Variants in SGCG observed in about 807,000 individuals in gnomAD.
The protein encoded by SGCG is sarcoglycan gamma, also known as gamma-sarcoglycan.
A neutral mutation model predicts 29.3 loss-of-function variants in SGCG; 26 were observed. The observed-to-expected ratio is 0.89, with a 90% CI of 0.65 to 1.23. The LOEUF (loss-of-function observed/expected upper bound fraction) is 1.23. Among genes scored for constraint, SGCG ranks in the 50% most tolerant of loss-of-function variants. SGCG has a pLI of 0.00. For synonymous variants in SGCG, 145 were observed against 129.7 expected (o/e 1.12, Z -0.80); for missense variants, 353 against 356.0 (o/e 0.99, Z 0.07).
At chr13:23,219,700 A>G (rs1245701745) in intron 2 of SGCG, among the ~76,000 whole-genome samples, 2 of 152,176 alleles carry the variant, frequency 1.3e-5, no homozygotes, top group East Asian at 1.9e-4. Flanking sequence ...TATAATGTAT[A>G]CATGATGTAT....
intron 5 of SGCG, among the ~76,000 whole-genome samples, chr13:23,290,225 G>T (rs1881647539): frequency 6.6e-6 from 1 of 152,164 alleles, no homozygotes. Flanking sequence ...AAGATAATCT[G>T]GGAAAACTGC....
At chr13:23,173,762 T>G in the SGCG span, among the ~76,000 whole-genome samples, 4 of 152,222 alleles carry the variant, frequency 2.6e-5, no homozygotes, top group Non-Finnish European at 4.4e-5. Context: ...TATAACTGCA[T>G]GCTGTCTTCT....
chr13:23,238,780 G>C (rs1000328604), intron 3 of SGCG, among the ~76,000 whole-genome samples: 1 of 152,180 alleles, frequency 6.6e-6, no homozygotes, highest in Non-Finnish European at 1.5e-5. Context: ...GAATCTTCTA[G>C]AGATGAAAAG....
At chr13:23,204,509 T>C (rs1877899833) in intron 2 of SGCG, among the ~76,000 whole-genome samples, 1 of 152,192 alleles carries the variant, frequency 6.6e-6, no homozygotes, top group African/African-American at 2.4e-5. Flanking sequence ...GAGATAAAAA[T>C]ATTGCAGAGA....
At chr13:23,310,059 A>G (rs1390765055) in intron 6 of SGCG, among the ~76,000 whole-genome samples, 2 of 108,114 alleles carry the variant, frequency 1.8e-5, no homozygotes. Context: ...TATACTTAGT[A>G]TTTTTGCCTT....
intron 2 of SGCG, among the ~76,000 whole-genome samples, chr13:23,210,576 A>G (rs1878156897): frequency 1.3e-5 from 2 of 152,138 alleles, no homozygotes; most frequent in African/African-American, 4.8e-5. Flanking sequence ...CTGTAGTCCC[A>G]GCTACTCGGG....
chr13:23,222,884 T>A (rs895154372), intron 2 of SGCG, among the ~76,000 whole-genome samples: 1 of 152,120 alleles, frequency 6.6e-6, no homozygotes, highest in Non-Finnish European at 1.5e-5. Flanking sequence ...GGGCATTTTT[T>A]ATATTATTAT....
chr13:23,247,471 G>A lies in SGCG; in HGVS notation c.298-3159G>A, dbSNP rs755824876. Among the ~76,000 whole-genome samples, 19 of 152,274 alleles carry A rather than the reference G, an allele frequency of 1.2e-4. No homozygotes were observed. The South Asian group carries it at 1.5e-3, about 12-fold the overall frequency. On this transcript the variant is annotated intron_variant, in intron 3 of 7. Coordinates refer to ENST00000218867, the MANE Select transcript of SGCG (RefSeq NM_000231.3). ...AAAATGCCTTAAGGTAGCCAGTAAA[G>A]AAGAGAGTTTGATAGAATACAAAGA... is the stretch of plus-strand genomic sequence containing the variant.
intron 3 of SGCG, among the ~76,000 whole-genome samples, chr13:23,247,350 G>C (rs58433572): frequency 0.12 from 18,744 of 152,176 alleles, 1,396 homozygotes; most frequent in East Asian, 0.38. Context: ...CTTTTCGTAA[G>C]ACTTCTGCTT....
At chr13:23,241,956 A>G (rs1216036263) in intron 3 of SGCG, among the ~76,000 whole-genome samples, 2 of 152,304 alleles carry the variant, frequency 1.3e-5, no homozygotes, top group Admixed American at 6.5e-5. Flanking sequence ...TAGAAAACAT[A>G]AAACAATAGA....
At chr13:23,195,900 G>A (rs12430411) in intron 1 of SGCG, among the ~76,000 whole-genome samples, 69,446 of 151,240 alleles carry the variant, frequency 0.46, 16,046 homozygotes, top group Admixed American at 0.51. Flanking sequence ...TAAATTTACT[G>A]TTACAAAAGA....
At chr13:23,212,225 CTT>C (rs1318722319) in intron 2 of SGCG, among the ~76,000 whole-genome samples, 1 of 152,176 alleles carries the variant, frequency 6.6e-6, no homozygotes, top group Admixed American at 6.5e-5. Context: ...TTGACCCAGT[CTT>C]TGGCATTTCG....
chr13:23,186,051 T>G (rs562215076), intron 1 of SGCG, among the ~76,000 whole-genome samples: 18 of 152,326 alleles, frequency 1.2e-4, no homozygotes, highest in African/African-American at 4.1e-4. Flanking sequence ...GCAGATGGTC[T>G]CATGACTACA....
Position 23,322,765 on chromosome 13 carries a change from T to TCCCCCCCCCCCCCCCCCCCC in SGCG, c.703-1601_703-1600insCCCCCCCCCCCCCCCCCCCC, listed in dbSNP as rs1189871837. On this transcript the variant is annotated intron_variant, in intron 7 of 7. Coordinates refer to ENST00000218867, the MANE Select transcript of SGCG (RefSeq NM_000231.3). ...CGATGCACAGACCGCCCCCCACCCA[T>TCCCCCCCCCCCCCCCCCCCC]CCACCTCCCCCCCCCCCCCCCCCCG... is the stretch of plus-strand genomic sequence containing the variant. Among the ~76,000 whole-genome samples the TCCCCCCCCCCCCCCCCCCCC allele has an allele frequency of 2.9e-4, 18 of 61,478 alleles. 1 individual carries two copies. Among genetic ancestry groups the TCCCCCCCCCCCCCCCCCCCC allele is most frequent in the Admixed American group, 1.1e-3 (6 of 5,358 alleles). 40.3% of individuals were successfully genotyped at this position (61,478 alleles called of 152,430 possible).
intron 5 of SGCG, among the ~76,000 whole-genome samples, chr13:23,293,397 T>C (rs1164804122): frequency 6.6e-6 from 1 of 152,220 alleles, no homozygotes; most frequent in Admixed American, 6.5e-5. Context: ...CAAGCTATTA[T>C]TTCTTGGATA....
At chr13:23,169,383 GA>G in the SGCG span, among the ~76,000 whole-genome samples, 4,307 of 138,440 alleles carry the variant, frequency 0.031, 75 homozygotes, top group Non-Finnish European at 0.047. Flanking sequence ...TCACCCTGTG[GA>G]AAAAAAAAAA....
At chr13:23,163,229 A>G in the SGCG span, among the ~76,000 whole-genome samples, 1 of 152,260 alleles carries the variant, frequency 6.6e-6, no homozygotes, top group African/African-American at 2.4e-5. Context: ...ATTAGGAAAT[A>G]AAATTAACTA....
At chr13:23,161,497 G>A in the SGCG span, among the ~76,000 whole-genome samples, 6 of 152,168 alleles carry the variant, frequency 3.9e-5, no homozygotes, top group African/African-American at 1.4e-4. Context: ...TGCTAATAAA[G>A]CAATGGAATC....
Position 23,318,201 on chromosome 13 carries a change from A to AGTTG in SGCG, c.579-2436_579-2435insGTTG, listed in dbSNP as rs202138802. Reference sequence around the variant, plus strand: ...CCCTTCCTACTAGTTATGTCCTACTATAACTACTAGTTATGTCCTACTAGT... The same window carrying AGTTG: ...CCCTTCCTACTAGTTATGTCCTACTAGTTGTAACTACTAGTTATGTCCTACTAGT... On this transcript the variant is annotated intron_variant, in intron 6 of 7. Coordinates refer to ENST00000218867, the MANE Select transcript of SGCG (RefSeq NM_000231.3). 2.6e-5 allele frequency among the ~76,000 whole-genome samples: 4 copies of AGTTG among 151,164 alleles called. No individual in the cohort carries two copies. In the East Asian group the frequency reaches 7.8e-4, roughly 30 times the overall value.
Sources: allele counts gnomAD v4.1 joint callset (sites outside exome capture counted in the v4.1 genomes callset), GRCh38; gene constraint gnomAD v4.1.1; transcripts MANE v1.5; gene names NCBI Gene and HGNC (gene_info 2026-07-23, HGNC 2026-07-21).